EPB41: variants seen among roughly 807,000 people sequenced by gnomAD.
The protein encoded by EPB41 is protein 4.1.
A neutral mutation model predicts 108.0 loss-of-function variants in EPB41; 65 were observed. The observed-to-expected ratio is 0.60, with a 90% CI of 0.49 to 0.74. The LOEUF is 0.74. Ranked by LOEUF, EPB41 falls within the 30% of genes least tolerant of loss-of-function variation. The pLI is 0.00. For missense variants in EPB41, 875 were observed against 1,037.0 expected (o/e 0.84, Z 2.15); for synonymous variants, 336 against 358.9 (o/e 0.94, Z 0.72).
intron 12 of EPB41, chr1:29,054,316 T>A (rs147345898): frequency 1.3e-5 from 2 of 152,194 alleles, no homozygotes; most frequent in Non-Finnish European, 2.9e-5. Flanking sequence ...GAAATAAATA[T>A]AGCTCTTGCT....
intron 16 of EPB41, among the ~76,000 whole-genome samples, chr1:29,074,091 C>G (rs552249156): frequency 6.6e-6 from 1 of 152,236 alleles, no homozygotes; most frequent in East Asian, 1.9e-4. Context: ...AGAAATTACA[C>G]TTGTGCTTTA....
At chr1:29,027,647 A>G (rs1010454516) in intron 7 of EPB41, among the ~76,000 whole-genome samples, 2 of 151,220 alleles carry the variant, frequency 1.3e-5, no homozygotes, top group African/African-American at 4.9e-5. Context: ...AGGTCTCTCT[A>G]TGTCGCCTAG....
intron 1 of EPB41, among the ~76,000 whole-genome samples, chr1:28,909,283 G>A (rs945739041): frequency 6.6e-6 from 1 of 151,706 alleles, no homozygotes; most frequent in African/African-American, 2.4e-5. Flanking sequence ...AATTTCATAT[G>A]ACTTAATATA....
intron 17 of EPB41, among the ~76,000 whole-genome samples, chr1:29,099,195 T>A (rs1664359436): frequency 6.7e-6 from 1 of 148,506 alleles, no homozygotes; most frequent in Non-Finnish European, 1.5e-5. Flanking sequence ...TAATCCCAGC[T>A]ACTCAGGAGG....
At chr1:29,109,298 C>G in intron 17 of EPB41, 38 bp from the exon 18 acceptor site, 1 of 1,521,018 alleles carries the variant, frequency 6.6e-7, no homozygotes, top group Non-Finnish European at 9.1e-7. Context: ...CCCAGTCTTC[C>G]TGAGAGGCAT....
chr1:29,104,720 A>G (rs746244599), intron 17 of EPB41, among the ~76,000 whole-genome samples: 4 of 151,900 alleles, frequency 2.6e-5, no homozygotes, highest in African/African-American at 4.8e-5. Flanking sequence ...AGTAGCTGGG[A>G]TTACAGGTGC....
intron 10 of EPB41, among the ~76,000 whole-genome samples, chr1:29,037,223 A>C (rs1295855867): frequency 2.0e-5 from 3 of 152,142 alleles, no homozygotes; most frequent in Non-Finnish European, 4.4e-5. Flanking sequence ...CTGGGATTAC[A>C]GATGCCCAAC....
At chr1:29,038,380 ATACT>A (rs1196070772) in intron 10 of EPB41, among the ~76,000 whole-genome samples, 4 of 152,220 alleles carry the variant, frequency 2.6e-5, no homozygotes, top group Non-Finnish European at 5.9e-5. Context: ...TGCAGCCAGT[ATACT>A]TACTTGTAGG....
chr1:28,955,962 G>A (rs2094934908), intron 1 of EPB41, among the ~76,000 whole-genome samples: 1 of 152,136 alleles, frequency 6.6e-6, no homozygotes, highest in Non-Finnish European at 1.5e-5. Flanking sequence ...AAATTCCCTT[G>A]ACAAATGCAG....
chr1:29,053,075 T>A lies in EPB41; in HGVS notation c.1637-29T>A, dbSNP rs751673908. On this transcript the variant is annotated intron_variant, in intron 11 of 20. Transcript: ENST00000343067. ...TAATACAGTAGCTCTGGCCTTTACT[T>A]ATGCTTCCCTTTTCCCTTTCTCACA... The A allele has an allele frequency of 3.2e-5, 51 of 1,611,786 alleles. No homozygotes were observed. In the South Asian group the frequency reaches 5.4e-4, roughly 17 times the overall value.
At chr1:29,064,908 C>CT in intron 15 of EPB41, 74 bp from the exon 16 acceptor site, 1 of 1,598,188 alleles carries the variant, frequency 6.3e-7, no homozygotes, top group East Asian at 2.2e-5. Flanking sequence ...TGCCCAGTCT[C>CT]TGACGGGTTG....
At chr1:29,110,214 G>A (rs545310590) in intron 18 of EPB41, among the ~76,000 whole-genome samples, 2 of 150,956 alleles carry the variant, frequency 1.3e-5, no homozygotes, top group South Asian at 2.1e-4. Context: ...GCATAATGGC[G>A]CATGCCTGTG....
intron 12 of EPB41, among the ~76,000 whole-genome samples, chr1:29,054,911 G>A (rs76787897): frequency 6.6e-6 from 1 of 152,158 alleles, no homozygotes; most frequent in African/African-American, 2.4e-5. Flanking sequence ...GATGGCAGGT[G>A]CCTGTAATCC....
At chr1:29,067,107 C>T (rs1044459167) in intron 16 of EPB41, among the ~76,000 whole-genome samples, 34 of 151,196 alleles carry the variant, frequency 2.2e-4, no homozygotes, top group Non-Finnish European at 4.3e-4. Context: ...ATAGTCCTAG[C>T]ACTTTGGGAG....
At chr1:29,067,822 G>A (rs1263862458) in intron 16 of EPB41, among the ~76,000 whole-genome samples, 1 of 152,142 alleles carries the variant, frequency 6.6e-6, no homozygotes, top group Non-Finnish European at 1.5e-5. Context: ...AGTTACCAGG[G>A]ATGACAGGAC....
intron 2 of EPB41, among the ~76,000 whole-genome samples, chr1:28,990,155 C>T (rs1008389531): frequency 4.1e-5 from 6 of 147,680 alleles, no homozygotes; most frequent in South Asian, 2.1e-4. Flanking sequence ...ACTCGGAAGG[C>T]GAGGCAGGAA....
At chr1:28,903,696 T>C (rs1041984132) in intron 1 of EPB41, among the ~76,000 whole-genome samples, 1 of 152,138 alleles carries the variant, frequency 6.6e-6, no homozygotes, top group African/African-American at 2.4e-5. Flanking sequence ...GAAGGTTCAG[T>C]GACATATTGT....
intron 3 of EPB41, among the ~76,000 whole-genome samples, chr1:28,994,248 T>C: frequency 6.6e-6 from 1 of 152,076 alleles, no homozygotes; most frequent in Non-Finnish European, 1.5e-5. Flanking sequence ...CTCGGCTCAC[T>C]GCAAGCTCTG....
At chr1:29,044,967 C>G (rs1313306657) in intron 11 of EPB41, among the ~76,000 whole-genome samples, 1 of 152,188 alleles carries the variant, frequency 6.6e-6, no homozygotes, top group Non-Finnish European at 1.5e-5. Context: ...TCTCTAATCT[C>G]TTGTATTGAT....
Sources: allele counts gnomAD v4.1 joint callset (sites outside exome capture counted in the v4.1 genomes callset), GRCh38; gene constraint gnomAD v4.1.1; transcripts MANE v1.5; gene names NCBI Gene and HGNC (gene_info 2026-07-23, HGNC 2026-07-21).